The following TOP3B variants were observed in gnomAD, a reference collection of about 807,000 sequenced individuals.
TOP3B encodes DNA topoisomerase III beta.
TOP3B carries 45 observed loss-of-function variants against 93.9 expected under a neutral mutation model. The observed-to-expected ratio is 0.48, with a 90% CI of 0.38 to 0.61. The LOEUF (loss-of-function observed/expected upper bound fraction) is 0.61. TOP3B is among the 20% of genes least tolerant of loss of function. The pLI is 0.00. For synonymous variants in TOP3B, 357 were observed against 472.6 expected, an observed-to-expected ratio of 0.76 and a Z score of 3.17; for missense variants, 750 against 1,156.1, an observed-to-expected ratio of 0.65 and a Z score of 5.09.
chr22:21,971,140 A>AG lies in TOP3B; in HGVS notation c.385-735dup. On this transcript the variant is annotated intron_variant, in intron 5 of 17. Coordinates refer to ENST00000357179, the MANE Select transcript of TOP3B (RefSeq NM_001282112.2). This position sits in a 1 kb window ranked among gnomAD's most constrained non-coding sequence, Gnocchi z 4.6. The stretch of plus-strand genomic sequence containing the variant: ...GGCCCCCAGGGAGGAGCCGCCCTGC[A>AG]GGGGAGGAGAGGGTATCTGGGAAGA... 2.2e-6 allele frequency: 2 copies of AG among 903,220 alleles called. No homozygotes were observed. The highest frequency in any genetic ancestry group is 2.9e-5 in the South Asian group (2 of 70,114). The allele number at this position is 903,220 out of a possible 1,614,324, so 56.0% of individuals were successfully genotyped here. A position where few individuals can be genotyped will look rare whatever the true frequency, so the allele number is the denominator to read the frequency against.
At chr22:21,964,049 CAG>C (rs773583554) in intron 10 of TOP3B, 21 bp from the exon 11 acceptor site, 14 of 1,601,752 alleles carry the variant, frequency 8.7e-6, no homozygotes, top group African/African-American at 1.3e-5. Context: ...GAAGACAGAG[CAG>C]AGTCTGTGGC....
In TOP3B at chr22:21,959,187, G is replaced by A. The variant is rs530461627; in HGVS notation, c.1850C>T (p.Thr617Ile). ...CCCACAGCGTGAGAGGGGCTTGCCT[G>A]TGGCCGCCAGGGGCGAGAAAGACAC... The part of the protein sequence containing the change: ...MEVSFSPLAA[T>I]GKPLSRCGKC... The change falls in exon 16 of 18, where the codon ACA (threonine) becomes ATA (isoleucine). Residue 617 changes from threonine (T) to isoleucine (I), a missense_variant. This residue lies in a region of TOP3B where 737 missense variants were observed against 933.7 expected (regional missense o/e 0.79). Transcript: ENST00000357179. 4 of 1,613,588 alleles carry A rather than the reference G, an allele frequency of 2.5e-6. No homozygotes were observed. The highest frequency in any genetic ancestry group is 3.4e-6 in the Non-Finnish European group (4 of 1,180,002).
chr22:21,960,229 C>T, intron 14 of TOP3B, 92 bp downstream of exon 14: 7 of 1,575,902 alleles, frequency 4.4e-6, no homozygotes, highest in Non-Finnish European at 6.1e-6. Context: ...CACTGTAGGG[C>T]AGGGGCCTGT....
In TOP3B at chr22:21,968,700, AG is replaced by A; in HGVS notation, c.656del (p.Thr219IlefsTer44). On this transcript the variant is annotated frameshift_variant, in exon 7 of 18. Transcript: ENST00000357179. LOFTEE classifies it high-confidence loss of function. ...SSLISFGPCQ[T>X]PTLGFCVERH... Reference sequence around the variant, plus strand: ...TCTCCACACAGAATCCCAGGGTTGGAGTCTGACACGGCCCAAAGGAGATGAG... The same window carrying A: ...TCTCCACACAGAATCCCAGGGTTGGATCTGACACGGCCCAAAGGAGATGAG... 6.2e-7 allele frequency: 1 copy of A among 1,614,224 alleles called. No individual in the cohort carries two copies. The highest frequency in any genetic ancestry group is 8.5e-7 in the Non-Finnish European group (1 of 1,180,034).
chr22:21,959,751 G>A lies in TOP3B; in HGVS notation c.1655-15C>T. Reference sequence around the variant, plus strand: ...CAGCTCTGCATCTGCAAGTGGGCAGGGGGCAGATATTGCCCTGAGCACTCG... The same window carrying A: ...CAGCTCTGCATCTGCAAGTGGGCAGAGGGCAGATATTGCCCTGAGCACTCG... On this transcript the variant is annotated splice_polypyrimidine_tract_variant and intron_variant, in intron 14 of 17. Transcript: ENST00000357179. 3.1e-6 allele frequency: 5 copies of A among 1,610,934 alleles called. No individual in the cohort carries two copies. The highest frequency in any genetic ancestry group is 2.2e-5 in the East Asian group (1 of 44,868).
At position 21,971,271 on chromosome 22, in the gene TOP3B, A is replaced by G. The variant is rs2071627319; in HGVS notation, c.384+606T>C. The G allele has an allele frequency of 1.0e-5, 3 of 287,648 alleles. No homozygotes were observed. The highest frequency in any genetic ancestry group is 7.7e-5 in the South Asian group (3 of 38,768). The allele number at this position is 287,648 out of a possible 1,614,324, so 17.8% of individuals were successfully genotyped here. On this transcript the variant is annotated intron_variant, in intron 5 of 17. Transcript: ENST00000357179. The surrounding 1 kb of genome is among the most constrained non-coding windows in gnomAD (Gnocchi z 4.6). ...AGCCACGGGTGAGAGCTGGGGGTAC[A>G]GGAGCACGGGGGCGACCCATAGAAC...
intron 12 of TOP3B, 22 bp from the exon 13 acceptor site, chr22:21,962,624 C>T: frequency 1.2e-6 from 2 of 1,607,046 alleles, no homozygotes; most frequent in Non-Finnish European, 1.7e-6. Context: ...TGCGCCGCCA[C>T]TCAGGGTCCC....
At chr22:21,979,399 G>A (rs2084567087) in intron 1 of TOP3B, among the ~76,000 whole-genome samples, 1 of 152,068 alleles carries the variant, frequency 6.6e-6, no homozygotes, top group Non-Finnish European at 1.5e-5. Flanking sequence ...CAAGGGCTGT[G>A]AGACAGGTAG....
chr22:21,967,750 GAA>G (rs750299411), intron 7 of TOP3B, 34 bp from the exon 8 acceptor site: 13 of 1,569,538 alleles, frequency 8.3e-6, no homozygotes, highest in Non-Finnish European at 1.1e-5. Flanking sequence ...GAACGCACAA[GAA>G]AAAGTCTCCA....
chr22:21,977,789 A>G (rs1601868064), intron 1 of TOP3B, among the ~76,000 whole-genome samples: 1 of 152,164 alleles, frequency 6.6e-6, no homozygotes, highest in Non-Finnish European at 1.5e-5. Context: ...ACTCCTTGGA[A>G]TGAACTTAAT....
At chr22:21,973,495 A>T (rs890275790) in intron 3 of TOP3B, 2 of 144,674 alleles carry the variant, frequency 1.4e-5, no homozygotes, top group African/African-American at 5.2e-5. Flanking sequence ...TATGTTGTCC[A>T]GACTAGTCTT....
chr22:21,959,227 C>T lies in TOP3B; in HGVS notation c.1810G>A (p.Asp604Asn). The T allele has an allele frequency of 1.2e-6, 2 of 1,612,614 alleles. No homozygotes were observed. The highest frequency in any genetic ancestry group is 1.1e-5 in the South Asian group (1 of 91,078). ...HYFVDSIAGM[D>N]ELMEVSFSPL... Reference sequence around the variant, plus strand: ...GAGAAAGACACCTCCATCAACTCATCCATGCCTGCGGGCAAGCAGAGTGCA... The same window carrying T: ...GAGAAAGACACCTCCATCAACTCATTCATGCCTGCGGGCAAGCAGAGTGCA... The change falls in exon 16 of 18, where the codon GAT becomes AAT. Residue 604 changes from aspartate to asparagine, a missense_variant. Coordinates refer to ENST00000357179, the MANE Select transcript of TOP3B (RefSeq NM_001282112.2).
chr22:21,960,157 G>A (rs1400583950), intron 14 of TOP3B, 164 bp downstream of exon 14: 7 of 1,062,398 alleles, frequency 6.6e-6, no homozygotes, highest in South Asian at 4.3e-5. Flanking sequence ...GGCAGGTCCT[G>A]GGGGTCCTGG....
chr22:21,960,104 C>T, intron 14 of TOP3B: 2 of 734,756 alleles, frequency 2.7e-6, no homozygotes, highest in Non-Finnish European at 2.2e-6. Flanking sequence ...TTGGTTCCCT[C>T]ACACATCTGT....
Position 21,975,776 on chromosome 22 carries a change from C to T in TOP3B, c.-67G>A. ...ATGAAAAAGTTTAGACTCCACTCTT[C>T]CGCAGCACAGCACTATTACCAATGC... is the stretch of plus-strand genomic sequence containing the variant. On this transcript the variant is annotated 5_prime_UTR_variant, in exon 2 of 18. Coordinates refer to ENST00000357179, the MANE Select transcript of TOP3B (RefSeq NM_001282112.2). The T allele has an allele frequency of 6.4e-7, 1 of 1,558,618 alleles. No individual in the cohort carries two copies. The highest frequency in any genetic ancestry group is 8.7e-7 in the Non-Finnish European group (1 of 1,147,470).
chr22:21,978,565 C>G (rs2084544843), intron 1 of TOP3B, among the ~76,000 whole-genome samples: 1 of 152,056 alleles, frequency 6.6e-6, no homozygotes, highest in Non-Finnish European at 1.5e-5. Flanking sequence ...GTGGAAGGAG[C>G]CCAGGCTGGG....
At position 21,975,766 on chromosome 22, in the gene TOP3B, C is replaced by T. The variant is rs569742514; in HGVS notation, c.-57G>A. 1.1e-5 allele frequency: 17 copies of T among 1,575,338 alleles called. No homozygotes were observed. The East Asian group carries it at 1.1e-4, about 10-fold the overall frequency. On this transcript the variant is annotated 5_prime_UTR_variant, in exon 2 of 18. Coordinates refer to ENST00000357179, the MANE Select transcript of TOP3B (RefSeq NM_001282112.2). ...GGCACTGGCAATGAAAAAGTTTAGA[C>T]TCCACTCTTCCGCAGCACAGCACTA...
intron 17 of TOP3B, chr22:21,958,223 G>C: frequency 7.5e-7 from 1 of 1,332,412 alleles, no homozygotes; most frequent in Non-Finnish European, 9.7e-7. Flanking sequence ...TGCTCACTCA[G>C]CTCCAGAGGG....
At chr22:21,972,253 G>A (rs1438376773) in intron 4 of TOP3B, 7 of 457,428 alleles carry the variant, frequency 1.5e-5, no homozygotes, top group Admixed American at 7.7e-5. Flanking sequence ...AACAGCAGTC[G>A]TCTTGGGTAA....
Sources: allele counts gnomAD v4.1 joint callset (sites outside exome capture counted in the v4.1 genomes callset), GRCh38; gene constraint gnomAD v4.1.1; regional missense constraint gnomAD v4.1.1; non-coding constraint Gnocchi (gnomAD v3.1); transcripts MANE v1.5; gene names NCBI Gene and HGNC (gene_info 2026-07-23, HGNC 2026-07-21).